Variants in LRRC4C observed in about 807,000 individuals in gnomAD.
LRRC4C encodes the protein leucine rich repeat containing 4C, also known as leucine-rich repeat-containing protein 4C.
In LRRC4C, 5 loss-of-function variants were observed where a neutral mutation model predicts 33.6. That is an observed-to-expected ratio of 0.15 (90% CI 0.08 to 0.31). The LOEUF (loss-of-function observed/expected upper bound fraction) is 0.31. LRRC4C is among the 10% of genes least tolerant of loss of function. LRRC4C has a pLI of 1.00. For missense variants in LRRC4C, 560 were observed against 796.7 expected (o/e 0.70, Z 3.58); for synonymous variants, 329 against 302.0 (o/e 1.09, Z -0.93).
At chr11:40,479,753 A>C (rs970995895) in intron 3 of LRRC4C, among the ~76,000 whole-genome samples, 1 of 152,060 alleles carries the variant, frequency 6.6e-6, no homozygotes. Flanking sequence ...TTCTTGCAAG[A>C]TTTTCATTAA....
chr11:41,264,835 C>G (rs571902216), intron 1 of LRRC4C, among the ~76,000 whole-genome samples: 1 of 152,208 alleles, frequency 6.6e-6, no homozygotes, highest in East Asian at 1.9e-4. Flanking sequence ...AACCATGTAT[C>G]AGGCTTAAAA....
chr11:40,611,892 T>A (rs1961256451), intron 3 of LRRC4C, among the ~76,000 whole-genome samples: 1 of 151,756 alleles, frequency 6.6e-6, no homozygotes, highest in East Asian at 1.9e-4. Flanking sequence ...GAAGTATTGA[T>A]GAGAATGTGG....
rs148506692 is a variant in LRRC4C, at chr11:40,217,739, G to C, written c.-96+23780C>G. Among the ~76,000 whole-genome samples the C allele has an allele frequency of 5.5e-3, 842 of 152,118 alleles. 28 individuals are homozygous for C. Among genetic ancestry groups the C allele is most frequent in the Admixed American group, 0.049 (751 of 15,266 alleles). ...GTTTTTAAGCCTCAGCACATATTAG[G>C]CACCCAATTAATAGTGCCTTTTCTC... On this transcript the variant is annotated intron_variant, in intron 5 of 6. Transcript: ENST00000528697.
chr11:41,003,541 T>C (rs942786117), intron 1 of LRRC4C, among the ~76,000 whole-genome samples: 40 of 152,108 alleles, frequency 2.6e-4, no homozygotes, highest in Admixed American at 6.6e-5. Flanking sequence ...CCGACAATTA[T>C]GCTGAGGGAT....
In LRRC4C at chr11:40,987,674, T is replaced by TC. The variant is rs1565274694; in HGVS notation, c.-495-53952_-495-53951insG. Among the ~76,000 whole-genome samples, 123 of 27,976 alleles carry TC rather than the reference T, an allele frequency of 4.4e-3. 5 individuals carry two copies. The Admixed American group carries it at 0.053, about 12-fold the overall frequency. The allele number at this position is 27,976 out of a possible 152,430, so 18.4% of individuals were successfully genotyped here. A position where few individuals can be genotyped will look rare whatever the true frequency, so the allele number is the denominator to read the frequency against. ...ATATCTCATATATATGAGATATAAA[T>TC]GATATATATATATATATCTCATATA... On this transcript the variant is annotated intron_variant, in intron 1 of 6. Coordinates refer to ENST00000528697, the MANE Select transcript of LRRC4C (RefSeq NM_001258419.2).
At chr11:41,046,542 G>A (rs1310500239) in intron 1 of LRRC4C, among the ~76,000 whole-genome samples, 1 of 152,138 alleles carries the variant, frequency 6.6e-6, no homozygotes, top group Non-Finnish European at 1.5e-5. Flanking sequence ...ATTGGGGATA[G>A]AACAGTCATG....
intron 3 of LRRC4C, among the ~76,000 whole-genome samples, chr11:40,525,097 A>C (rs1264225743): frequency 6.6e-6 from 1 of 152,144 alleles, no homozygotes; most frequent in Non-Finnish European, 1.5e-5. Context: ...GGAAAGGGAT[A>C]AATGAGGGAA....
At chr11:40,544,660 T>A (rs535554577) in intron 3 of LRRC4C, among the ~76,000 whole-genome samples, 81 of 152,200 alleles carry the variant, frequency 5.3e-4, no homozygotes, top group African/African-American at 1.9e-3. Context: ...AATCACCAAA[T>A]AACACCACCA....
intron 5 of LRRC4C, among the ~76,000 whole-genome samples, chr11:40,229,074 A>C (rs1220742396): frequency 6.6e-6 from 1 of 152,174 alleles, no homozygotes; most frequent in South Asian, 2.1e-4. Flanking sequence ...GGGAACTCAG[A>C]AAGTAATAAC....
chr11:41,377,879 C>T (rs1952997274), intron 1 of LRRC4C, among the ~76,000 whole-genome samples: 1 of 152,072 alleles, frequency 6.6e-6, no homozygotes, highest in Admixed American at 6.6e-5. Context: ...TGGAGAGCAC[C>T]GTACCAATAG....
At chr11:40,844,134 T>C (rs891380881) in intron 2 of LRRC4C, among the ~76,000 whole-genome samples, 4 of 152,004 alleles carry the variant, frequency 2.6e-5, no homozygotes, top group South Asian at 4.1e-4. Flanking sequence ...GGTTGTACCT[T>C]TAAAAATACA....
At chr11:41,291,025 G>A (rs984157682) in intron 1 of LRRC4C, among the ~76,000 whole-genome samples, 1 of 152,146 alleles carries the variant, frequency 6.6e-6, no homozygotes, top group Non-Finnish European at 1.5e-5. Flanking sequence ...TCATCTAAGT[G>A]TGAATTGATT....
At chr11:41,184,156 C>G (rs1407776141) in intron 1 of LRRC4C, among the ~76,000 whole-genome samples, 2 of 152,150 alleles carry the variant, frequency 1.3e-5, no homozygotes, top group Admixed American at 1.3e-4. Flanking sequence ...TCTGACATGC[C>G]TTGGAGACTT....
At chr11:41,294,934 G>T (rs1361134243) in intron 1 of LRRC4C, among the ~76,000 whole-genome samples, 1 of 152,118 alleles carries the variant, frequency 6.6e-6, no homozygotes, top group Non-Finnish European at 1.5e-5. Flanking sequence ...ATAACAATGA[G>T]TTTTGCCCAT....
chr11:41,223,428 T>C (rs999974312), intron 1 of LRRC4C, among the ~76,000 whole-genome samples: 1 of 152,202 alleles, frequency 6.6e-6, no homozygotes, highest in Non-Finnish European at 1.5e-5. Context: ...TTAGTGGCTA[T>C]AGTTTTCTCT....
intron 5 of LRRC4C, among the ~76,000 whole-genome samples, chr11:40,154,492 ATAAACT>A (rs1565062800): frequency 1.3e-5 from 2 of 152,230 alleles, no homozygotes; most frequent in African/African-American, 2.4e-5. Context: ...AAAGACTCAA[ATAAACT>A]TAAAGTAAAG....
chr11:40,223,090 G>T (rs1477044346), intron 5 of LRRC4C, among the ~76,000 whole-genome samples: 2 of 141,996 alleles, frequency 1.4e-5, no homozygotes. Context: ...TATAGACTGT[G>T]TCCATATTAT....
chr11:40,449,527 A>G (rs1723697668), intron 3 of LRRC4C, among the ~76,000 whole-genome samples: 1 of 152,154 alleles, frequency 6.6e-6, no homozygotes, highest in Non-Finnish European at 1.5e-5. Context: ...TTTATTTTAA[A>G]GCTAGGGAAA....
intron 5 of LRRC4C, among the ~76,000 whole-genome samples, chr11:40,178,104 G>A (rs192176875): frequency 1.3e-5 from 2 of 152,252 alleles, no homozygotes; most frequent in East Asian, 1.9e-4. Flanking sequence ...TATTACTGAT[G>A]TCAATAGCAT....
Sources: gnomAD v4.1 joint callset for allele counts (sites outside exome capture counted in the v4.1 genomes callset) on GRCh38, gnomAD v4.1.1 for gene constraint, MANE v1.5 for transcripts, NCBI Gene and HGNC (gene_info 2026-07-23, HGNC 2026-07-21) for gene names.